PRTG: variants seen among roughly 807,000 people sequenced by gnomAD.
PRTG encodes immunoglobulin superfamily, DCC subclass, member 5.
In PRTG, 67 loss-of-function variants were observed where a neutral mutation model predicts 122.5. The observed-to-expected ratio is 0.55, with a 90% CI of 0.45 to 0.67. PRTG has a LOEUF of 0.67. Ranked by LOEUF, PRTG falls within the 30% of genes least tolerant of loss-of-function variation. The pLI, the probability that PRTG is intolerant of heterozygous loss-of-function variation, is 0.00. For missense variants in PRTG, 1,435 were observed against 1,415.4 expected (o/e 1.01, Z -0.22); for synonymous variants, 554 against 501.1 (o/e 1.11, Z -1.41).
At chr15:55,648,213 A>C (rs1428657869) in intron 11 of PRTG, among the ~76,000 whole-genome samples, 1 of 152,214 alleles carries the variant, frequency 6.6e-6, no homozygotes, top group African/African-American at 2.4e-5. Context: ...AACAGCAAGC[A>C]CATGGACCCA....
At chr15:55,621,784 G>A (rs573489681) in intron 18 of PRTG, among the ~76,000 whole-genome samples, 49 of 152,200 alleles carry the variant, frequency 3.2e-4, no homozygotes, top group Admixed American at 1.0e-3. Flanking sequence ...AACACATTAA[G>A]ATACATATAT....
At chr15:55,660,227 C>A (rs995535176) in intron 11 of PRTG, among the ~76,000 whole-genome samples, 5 of 152,168 alleles carry the variant, frequency 3.3e-5, no homozygotes, top group Admixed American at 1.3e-4. Flanking sequence ...CTTAAAATTT[C>A]ATGTGCGTTA....
intron 15 of PRTG, among the ~76,000 whole-genome samples, chr15:55,634,589 C>T (rs1221569853): frequency 1.3e-5 from 2 of 152,010 alleles, no homozygotes; most frequent in East Asian, 3.9e-4. Flanking sequence ...GCCTGTAATC[C>T]TAGCACTTTG....
At chr15:55,654,126 C>A (rs1406401671) in intron 11 of PRTG, among the ~76,000 whole-genome samples, 1 of 152,160 alleles carries the variant, frequency 6.6e-6, no homozygotes, top group Non-Finnish European at 1.5e-5. Flanking sequence ...ACGTACTTCT[C>A]TAATGGAAGA....
chr15:55,634,915 C>G (rs1296270840), intron 15 of PRTG, among the ~76,000 whole-genome samples: 1 of 152,182 alleles, frequency 6.6e-6, no homozygotes, highest in Non-Finnish European at 1.5e-5. Context: ...ATTCACACCC[C>G]TGTAGCCCTC....
At chr15:55,714,135 C>CA (rs1190091731) in intron 2 of PRTG, among the ~76,000 whole-genome samples, 3 of 151,936 alleles carry the variant, frequency 2.0e-5, no homozygotes, top group Non-Finnish European at 2.9e-5. Context: ...ACAGATTATA[C>CA]AAAAGCATGA....
chr15:55,730,963 A>G (rs945232836), intron 2 of PRTG, among the ~76,000 whole-genome samples: 2 of 152,208 alleles, frequency 1.3e-5, no homozygotes, highest in Admixed American at 1.3e-4. Context: ...AGGAAGAGGA[A>G]GGCATAATGA....
rs1235554232 is a variant in PRTG, at chr15:55,619,568, C to T, written c.*444G>A. 5.8e-6 allele frequency: 1 copy of T among 171,868 alleles called. No individual in the cohort carries two copies. Among genetic ancestry groups the T allele is most frequent in the African/African-American group, 2.4e-5 (1 of 41,570 alleles). The allele number at this position is 171,868 out of a possible 1,614,324, so 10.6% of individuals were successfully genotyped here. On this transcript the variant is annotated 3_prime_UTR_variant, in exon 20 of 20. Coordinates refer to ENST00000389286, the MANE Select transcript of PRTG (RefSeq NM_173814.6). ...ACAACAAATGAGGTAACAAAGTTGTCTTCAGAGTTTGCCGGGAGGCAAACT... is the reference window on the plus strand; with the variant it reads ...ACAACAAATGAGGTAACAAAGTTGTTTTCAGAGTTTGCCGGGAGGCAAACT...
intron 13 of PRTG, 48 bp from the exon 14 acceptor site, chr15:55,638,724 T>C: frequency 6.5e-7 from 1 of 1,541,124 alleles, no homozygotes; most frequent in Non-Finnish European, 8.8e-7. Flanking sequence ...TATAATATTG[T>C]TTGTAAAAGA....
At chr15:55,637,146 T>A in intron 15 of PRTG, 24 bp downstream of exon 15, 1 of 1,468,450 alleles carries the variant, frequency 6.8e-7, no homozygotes, top group Non-Finnish European at 9.1e-7. Flanking sequence ...CTTTTCACCC[T>A]TCATGGCAAT....
chr15:55,694,550 C>T (rs553349337), intron 2 of PRTG, among the ~76,000 whole-genome samples: 1 of 152,086 alleles, frequency 6.6e-6, no homozygotes, highest in South Asian at 2.1e-4. Context: ...TATTTTATAT[C>T]AAAACTTAGA....
intron 15 of PRTG, among the ~76,000 whole-genome samples, chr15:55,631,812 T>C (rs1227030596): frequency 1.3e-5 from 2 of 152,218 alleles, no homozygotes; most frequent in Non-Finnish European, 2.9e-5. Context: ...TATATAATTA[T>C]TATAAGGATT....
chr15:55,710,879 A>G (rs2030354707), intron 2 of PRTG, among the ~76,000 whole-genome samples: 1 of 151,844 alleles, frequency 6.6e-6, no homozygotes, highest in Admixed American at 6.6e-5. Flanking sequence ...CTTCCTCTAA[A>G]AGGCTTTATA....
intron 11 of PRTG, among the ~76,000 whole-genome samples, chr15:55,671,889 G>C (rs1029044302): frequency 2.0e-5 from 3 of 151,966 alleles, no homozygotes; most frequent in African/African-American, 7.3e-5. Flanking sequence ...GGAAGACTAG[G>C]GAATAAAACA....
At position 55,615,240 on chromosome 15, in the gene PRTG, C is replaced by T. The variant is rs2059136937; in HGVS notation, c.*4772G>A. 6.6e-6 allele frequency: 1 copy of T among 152,028 alleles called. No individual in the cohort carries two copies. The highest frequency in any genetic ancestry group is 1.5e-5 in the Non-Finnish European group (1 of 67,944). The allele number at this position is 152,028 out of a possible 1,614,324, so 9.4% of individuals were successfully genotyped here. A position where few individuals can be genotyped will look rare whatever the true frequency, so the allele number is the denominator to read the frequency against. ...CCCTGCAAGCGCCTTGATTTTGTCC[C>T]AGGGAGACCTGTGTTAGACTTCTGA... is the stretch of plus-strand genomic sequence containing the variant. On this transcript the variant is annotated 3_prime_UTR_variant, in exon 20 of 20. Transcript: ENST00000389286.
intron 2 of PRTG, among the ~76,000 whole-genome samples, chr15:55,732,581 G>A (rs924134406): frequency 5.0e-5 from 7 of 140,958 alleles, no homozygotes; most frequent in Middle Eastern, 9.1e-3. Context: ...TGCAACCTCC[G>A]CCTCCTGGCT....
intron 2 of PRTG, among the ~76,000 whole-genome samples, chr15:55,735,323 T>G (rs1276067237): frequency 6.6e-6 from 1 of 152,176 alleles, no homozygotes; most frequent in African/African-American, 2.4e-5. Flanking sequence ...TCATGAGAGA[T>G]AAAAATCATC....
At chr15:55,654,132 G>T (rs986545021) in intron 11 of PRTG, among the ~76,000 whole-genome samples, 4 of 152,142 alleles carry the variant, frequency 2.6e-5, no homozygotes, top group African/African-American at 9.7e-5. Flanking sequence ...TTCTCTAATG[G>T]AAGACTTTTC....
intron 2 of PRTG, among the ~76,000 whole-genome samples, chr15:55,706,531 G>A (rs1162023159): frequency 1.4e-5 from 2 of 142,952 alleles, no homozygotes; most frequent in Admixed American, 1.5e-4. Context: ...TATCATTCAA[G>A]GCCAGGAGTT....
Sources: gnomAD v4.1 joint callset for allele counts (sites outside exome capture counted in the v4.1 genomes callset) on GRCh38, gnomAD v4.1.1 for gene constraint, MANE v1.5 for transcripts, NCBI Gene and HGNC (gene_info 2026-07-23, HGNC 2026-07-21) for gene names.